PCDHGA6: variants seen among roughly 807,000 people sequenced by gnomAD.
PCDHGA6 encodes the protein protocadherin gamma-A6.
Under a neutral mutation model 60.6 loss-of-function variants are expected in PCDHGA6, and 41 were observed. The observed-to-expected ratio is 0.68, with a 90% confidence interval of 0.53 to 0.88. The LOEUF is 0.88. Among genes scored for constraint, PCDHGA6 ranks in the 40% least tolerant of loss-of-function variants. The pLI, the probability that PCDHGA6 is intolerant of heterozygous loss-of-function variation, is 0.00. For missense variants in PCDHGA6, 1,312 were observed against 1,203.0 expected (o/e 1.09, Z -1.34); for synonymous variants, 594 against 524.4 (o/e 1.13, Z -1.81).
rs1370159999 is a variant in PCDHGA6, at chr5:141,375,626, T to C, written c.1543T>C (p.Tyr515His). The C allele has an allele frequency of 6.2e-7, 1 of 1,614,202 alleles. No individual in the cohort carries two copies. Among genetic ancestry groups the C allele is most frequent in the South Asian group, 1.1e-5 (1 of 91,084 alleles). Residue 515 changes from tyrosine to histidine, a missense_variant, in exon 1 of 4, where the codon TAC becomes CAC. Transcript: ENST00000517434. The stretch of plus-strand genomic sequence containing the variant: ...CATCAACTCCGACACTGGGATTCTG[T>C]ACGCCCTGCGCTCCTTCGACTATGA... ...VSINSDTGIL[Y>H]ALRSFDYEQL...
At chr5:141,447,163 G>T (rs11167747) in intron 1 of PCDHGA6, among the ~76,000 whole-genome samples, 6,233 of 151,894 alleles carry the variant, frequency 0.041, 196 homozygotes, top group Admixed American at 0.075. Flanking sequence ...TGTTTAAGCG[G>T]GGTCTTGCTC....
rs2233603 is a variant in PCDHGA6 at position 141,490,063 on chromosome 5, G to A, written c.2425-4744G>A. 1,259 of 1,614,208 alleles carry A rather than the reference G, an allele frequency of 7.8e-4. 6 individuals carry two copies. The African/African-American group carries it at 0.013, about 16-fold the overall frequency. On this transcript the variant is annotated intron_variant, in intron 1 of 3. Transcript: ENST00000517434. The surrounding 1 kb of genome is among the most constrained non-coding windows in gnomAD (Gnocchi z 5.4). ...CACTGATCCAGACGAGGGCACCAAC[G>A]GCCAACTAGACTATTCTTTTGGAGA...
chr5:141,497,084 G>A (rs1417389801), intron 2 of PCDHGA6, among the ~76,000 whole-genome samples: 1 of 152,098 alleles, frequency 6.6e-6, no homozygotes, highest in East Asian at 1.9e-4. Context: ...AGCGACTTAG[G>A]AGGCTGAGGC....
Position 141,476,949 on chromosome 5 carries a change from A to G in PCDHGA6, c.2425-17858A>G. The stretch of plus-strand genomic sequence containing the variant: ...GATCTGGATGAAGGCCCCAACGGTG[A>G]AATTATTTACTCCTTCGGCAGCCAC... On this transcript the variant is annotated intron_variant, in intron 1 of 3. Transcript: ENST00000517434. The surrounding 1 kb of genome is among the most constrained non-coding windows in gnomAD (Gnocchi z 7.6). 6.2e-7 allele frequency: 1 copy of G among 1,614,200 alleles called. No individual in the cohort carries two copies. Among genetic ancestry groups the G allele is most frequent in the Admixed American group, 1.7e-5 (1 of 60,038 alleles).
At chr5:141,393,972 C>G in intron 1 of PCDHGA6, 1 of 1,613,790 alleles carries the variant, frequency 6.2e-7, no homozygotes, top group South Asian at 1.1e-5. Flanking sequence ...CTGTTACACA[C>G]GTGATAATTT....
intron 1 of PCDHGA6, chr5:141,413,527 G>A (rs768496934): frequency 1.2e-6 from 2 of 1,613,938 alleles, no homozygotes; most frequent in Non-Finnish European, 1.7e-6. Flanking sequence ...GGAAGACAGG[G>A]TGAAACTTTT....
intron 1 of PCDHGA6, chr5:141,379,257 A>G (rs1561582852): frequency 6.6e-6 from 1 of 152,234 alleles, no homozygotes. Flanking sequence ...TTTACATTTA[A>G]GGAATTGTTA....
At position 141,423,418 on chromosome 5, in the gene PCDHGA6, G is replaced by T. The variant is rs1236092057; in HGVS notation, c.2424+46911G>T. On this transcript the variant is annotated intron_variant, in intron 1 of 3. Transcript: ENST00000517434. ...GTCACGCCTGCTGCAGGCTTCTGAAGGCGGGTTGGCAGGTATGCCCACGTC... is the reference window on the plus strand; with the variant it reads ...GTCACGCCTGCTGCAGGCTTCTGAATGCGGGTTGGCAGGTATGCCCACGTC... 1.2e-6 allele frequency: 2 copies of T among 1,614,022 alleles called. No individual in the cohort carries two copies. Among genetic ancestry groups the T allele is most frequent in the South Asian group, 1.1e-5 (1 of 91,088 alleles).
At chr5:141,399,483 CTACT>C in intron 1 of PCDHGA6, 2 of 1,614,048 alleles carry the variant, frequency 1.2e-6, no homozygotes, top group Non-Finnish European at 8.5e-7. Context: ...ACCAGGCGTC[CTACT>C]TAGTCAGTGT....
Position 141,486,255 on chromosome 5 carries a change from A to G in PCDHGA6, c.2425-8552A>G. 1 of 1,614,028 alleles carries G rather than the reference A, an allele frequency of 6.2e-7. No homozygotes were observed. Reference sequence around the variant, plus strand: ...ACCTCAGAGCTTGGAACCCTCCCCGAGAGTGCAGAACCTGGCACTGTGGTG... The same window carrying G: ...ACCTCAGAGCTTGGAACCCTCCCCGGGAGTGCAGAACCTGGCACTGTGGTG... On this transcript the variant is annotated intron_variant, in intron 1 of 3. Coordinates refer to ENST00000517434, the MANE Select transcript of PCDHGA6 (RefSeq NM_018919.3). This position sits in a 1 kb window ranked among gnomAD's most constrained non-coding sequence, Gnocchi z 5.0.
At chr5:141,376,753 C>A in intron 1 of PCDHGA6, 1 of 450,078 alleles carries the variant, frequency 2.2e-6, no homozygotes, top group South Asian at 2.7e-5. Flanking sequence ...GTGGCGCAAT[C>A]TCGGCTCACT....
intron 1 of PCDHGA6, chr5:141,424,468 C>A (rs1301878037): frequency 1.3e-5 from 2 of 152,072 alleles, no homozygotes; most frequent in South Asian, 2.1e-4. Context: ...TCCTTTTATT[C>A]TTTTACTTTG....
chr5:141,489,380 A>T lies in PCDHGA6; in HGVS notation c.2425-5427A>T, dbSNP rs753226956. 1 of 1,613,874 alleles carries T rather than the reference A, an allele frequency of 6.2e-7. No homozygotes were observed. The highest frequency in any genetic ancestry group is 2.2e-5 in the East Asian group (1 of 44,872). On this transcript the variant is annotated intron_variant, in intron 1 of 3. Transcript: ENST00000517434. The surrounding 1 kb of genome is among the most constrained non-coding windows in gnomAD (Gnocchi z 4.5). ...TCTGAGCCGGGGACGCTGGTGGGGA[A>T]TGTTGCTCAGGATCTGGGCTTAAAG... is the stretch of plus-strand genomic sequence containing the variant.
chr5:141,405,967 G>C (rs76683972), intron 1 of PCDHGA6, among the ~76,000 whole-genome samples: 1 of 151,968 alleles, frequency 6.6e-6, no homozygotes, highest in Non-Finnish European at 1.5e-5. Context: ...TGCTGTCAAC[G>C]TAAACCATAC....
intron 1 of PCDHGA6, chr5:141,409,268 A>G (rs753457286): frequency 1.5e-5 from 24 of 1,613,896 alleles, no homozygotes; most frequent in Non-Finnish European, 2.0e-5. Context: ...CTCTGATCAG[A>G]TTTTGGAGAA....
rs755130135 is a variant in PCDHGA6 at position 141,431,477 on chromosome 5, C to A, written c.2424+54970C>A. On this transcript the variant is annotated intron_variant, in intron 1 of 3. Coordinates refer to ENST00000517434, the MANE Select transcript of PCDHGA6 (RefSeq NM_018919.3). The surrounding 1 kb of genome is among the most constrained non-coding windows in gnomAD (Gnocchi z 4.8). ...GGTTCTGGATGCGAACGACAACGCA[C>A]CAGCGTTTGCTCAGCCCGAGTACCG... is the stretch of plus-strand genomic sequence containing the variant. 40 of 1,613,768 alleles carry A rather than the reference C, an allele frequency of 2.5e-5. No individual in the cohort carries two copies. The highest frequency in any genetic ancestry group is 3.3e-5 in the Admixed American group (2 of 60,008).
Position 141,476,645 on chromosome 5 carries a change from A to C in PCDHGA6, c.2425-18162A>C. 1 of 1,614,246 alleles carries C rather than the reference A, an allele frequency of 6.2e-7. No homozygotes were observed. The highest frequency in any genetic ancestry group is 8.5e-7 in the Non-Finnish European group (1 of 1,180,052). On this transcript the variant is annotated intron_variant, in intron 1 of 3. Coordinates refer to ENST00000517434, the MANE Select transcript of PCDHGA6 (RefSeq NM_018919.3). The surrounding 1 kb of genome is among the most constrained non-coding windows in gnomAD (Gnocchi z 7.6). ...TTTACAAACCTATGAGCTGAGCCGA[A>C]ATGAATACTTTGCGCTTCGCGTGCA...
intron 1 of PCDHGA6, among the ~76,000 whole-genome samples, chr5:141,448,521 GCATCCTGTCAGCATTTC>G (rs1378426350): frequency 1.3e-5 from 2 of 151,994 alleles, no homozygotes; most frequent in Non-Finnish European, 2.9e-5. Flanking sequence ...ACTTTATTAA[GCATCCTGTCAGCATTTC>G]TTATGCAAAT....
intron 1 of PCDHGA6, chr5:141,408,333 G>T (rs746692686): frequency 3.7e-6 from 6 of 1,613,924 alleles, no homozygotes; most frequent in Admixed American, 3.3e-5. Flanking sequence ...CTGGCCAAGG[G>T]CTCGGTGGTG....
Sources: gnomAD v4.1 joint callset for allele counts (sites outside exome capture counted in the v4.1 genomes callset) on GRCh38, gnomAD v4.1.1 for gene constraint, Gnocchi (gnomAD v3.1) non-coding constraint, MANE v1.5 for transcripts, NCBI Gene and HGNC (gene_info 2026-07-23, HGNC 2026-07-21) for gene names.